The following PRH1 variants were observed in gnomAD, a reference collection of about 807,000 sequenced individuals.
PRH1 encodes salivary acidic proline-rich phosphoprotein 1/2.
PRH1 carries 7 observed loss-of-function variants against 7.9 expected under a neutral mutation model. That is an observed-to-expected ratio of 0.89 (90% CI 0.50 to 1.67). The LOEUF is 1.67. Among genes scored for constraint, PRH1 ranks in the 40% most tolerant of loss-of-function variants. The pLI, the probability that PRH1 is intolerant of heterozygous loss-of-function variation, is 0.00. For missense variants in PRH1, 109 were observed against 223.6 expected (o/e 0.49, Z 3.27); for synonymous variants, 45 against 80.8 (o/e 0.56, Z 2.38).
chr12:11,170,018 G>A (rs1262889342), intron 1 of PRH1, among the ~76,000 whole-genome samples: 1 of 152,278 alleles, frequency 6.6e-6, no homozygotes, highest in Non-Finnish European at 1.5e-5. Context: ...TGCACGGTGC[G>A]ATGTGTGGTA....
chr12:10,949,250 A>G (rs978100986), intron 2 of PRH1, among the ~76,000 whole-genome samples: 3 of 152,142 alleles, frequency 2.0e-5, no homozygotes, highest in African/African-American at 7.2e-5. Context: ...TCAGCCCAAG[A>G]TGGAGGGTTT....
intron 2 of PRH1, among the ~76,000 whole-genome samples, chr12:10,936,172 C>T (rs1950285314): frequency 6.6e-6 from 1 of 151,758 alleles, no homozygotes; most frequent in Non-Finnish European, 1.5e-5. Flanking sequence ...CACACCCCTG[C>T]AGCTTTCTTC....
At chr12:10,993,043 C>T (rs1391153522) in intron 1 of PRH1, among the ~76,000 whole-genome samples, 1 of 152,134 alleles carries the variant, frequency 6.6e-6, no homozygotes, top group African/African-American at 2.4e-5. Flanking sequence ...ATTTTTGATC[C>T]CTATTCTGTT....
At position 10,922,825 on chromosome 12, in the gene PRH1, C is replaced by CTTTTTTTTTTTTTTT. The variant is rs139253542; in HGVS notation, c.-58-38551_-58-38550insAAAAAAAAAAAAAAA. On this transcript the variant is annotated intron_variant, in intron 2 of 3. Transcript: ENST00000539853. ...ATTGCATCTTTTCCATGAATTTTTT[C>CTTTTTTTTTTTTTTT]TTTTTCTTTTTTTTGAGACGGAGTC... is the stretch of plus-strand genomic sequence containing the variant. Among the ~76,000 whole-genome samples, 64 of 113,560 alleles carry CTTTTTTTTTTTTTTT rather than the reference C, an allele frequency of 5.6e-4. 18 individuals are homozygous for CTTTTTTTTTTTTTTT. The highest frequency in any genetic ancestry group is 1.3e-3 in the South Asian group (4 of 2,964). 74.5% of individuals were successfully genotyped at this position (113,560 alleles called of 152,430 possible). A position where few individuals can be genotyped will look rare whatever the true frequency, so the allele number is the denominator to read the frequency against.
intron 3 of PRH1, among the ~76,000 whole-genome samples, chr12:10,881,630 A>C (rs1206758718): frequency 6.6e-6 from 1 of 152,242 alleles, no homozygotes; most frequent in African/African-American, 2.4e-5. Context: ...TATTTCAAAA[A>C]GTAGATTCCA....
At chr12:11,118,453 C>T (rs1945792376), downstream of PRH1, among the ~76,000 whole-genome samples, 1 of 152,106 alleles carries the variant, frequency 6.6e-6, no homozygotes, top group African/African-American at 2.4e-5. Context: ...GAAACGGGAA[C>T]CACTGTACAC....
At chr12:10,991,371 T>C (rs948217557) in intron 1 of PRH1, among the ~76,000 whole-genome samples, 2 of 152,182 alleles carry the variant, frequency 1.3e-5, no homozygotes, top group Non-Finnish European at 2.9e-5. Flanking sequence ...ATATCATTTT[T>C]TTCTATAATG....
chr12:11,170,485 T>G (rs556298960), intron 1 of PRH1, among the ~76,000 whole-genome samples: 81 of 152,328 alleles, frequency 5.3e-4, no homozygotes, highest in African/African-American at 1.6e-3. Flanking sequence ...AGGCGGAGCT[T>G]GCAGTGAGCC....
At chr12:10,910,207 A>T (rs1949875816) in intron 2 of PRH1, among the ~76,000 whole-genome samples, 1 of 152,202 alleles carries the variant, frequency 6.6e-6, no homozygotes, top group South Asian at 2.1e-4. Context: ...ACCAAACTCT[A>T]TATACAATAT....
At chr12:11,143,635 A>T (rs537330020) in intron 1 of PRH1, among the ~76,000 whole-genome samples, 32 of 152,280 alleles carry the variant, frequency 2.1e-4, no homozygotes, top group Non-Finnish European at 3.5e-4. Flanking sequence ...AAATAAAGGG[A>T]TGGAAAAAGA....
chr12:10,900,730 C>T (rs7138108), intron 2 of PRH1, among the ~76,000 whole-genome samples: 32,106 of 152,156 alleles, frequency 0.21, 3,631 homozygotes, highest in Non-Finnish European at 0.25. Context: ...CACTCTACCT[C>T]TAGGCAGAAA....
At chr12:10,956,859 G>A (rs117413621) in intron 2 of PRH1, among the ~76,000 whole-genome samples, 2,317 of 152,144 alleles carry the variant, frequency 0.015, 21 homozygotes, top group South Asian at 0.031. Context: ...TGACCAGGGA[G>A]GTGAAATATC....
At position 11,082,867 on chromosome 12, in the gene PRH1, A is replaced by G. The variant is rs1193384961; in HGVS notation, n.124-35679T>C. Among the ~76,000 whole-genome samples the G allele has an allele frequency of 1.4e-4, 16 of 116,150 alleles. 3 individuals are homozygous for G. Among genetic ancestry groups the G allele is most frequent in the African/African-American group, 3.7e-4 (13 of 34,706 alleles). The allele number at this position is 116,150 out of a possible 152,430, so 76.2% of individuals were successfully genotyped here. A position where few individuals can be genotyped will look rare whatever the true frequency, so the allele number is the denominator to read the frequency against. ...TATAAGCTTCATTTCATCTTTTAATAGCATCACTAACAAGTTAAATTCTCT... is the reference window on the plus strand; with the variant it reads ...TATAAGCTTCATTTCATCTTTTAATGGCATCACTAACAAGTTAAATTCTCT... On this transcript the variant is annotated intron_variant and non_coding_transcript_variant, in intron 1 of 4. Transcript: ENST00000541977.
intron 1 of PRH1, among the ~76,000 whole-genome samples, chr12:11,091,115 C>CACATATATATATAT (rs751016037): frequency 0.01 from 262 of 25,116 alleles, 32 homozygotes; most frequent in Non-Finnish European, 0.014. Flanking sequence ...CACACACACA[C>CACATATATATATAT]ATATATATAT....
intron 1 of PRH1, among the ~76,000 whole-genome samples, chr12:11,018,762 C>A (rs1345429605): frequency 6.6e-6 from 1 of 152,248 alleles, no homozygotes; most frequent in Non-Finnish European, 1.5e-5. Context: ...TCCACATCCC[C>A]TCCTAATGGA....
intron 2 of PRH1, among the ~76,000 whole-genome samples, chr12:10,924,520 T>G (rs897303845): frequency 1.3e-5 from 2 of 152,208 alleles, no homozygotes; most frequent in African/African-American, 4.8e-5. Flanking sequence ...ACTCAATGGC[T>G]GACATAGGGA....
chr12:11,091,115 C>CACACACACATATATATATAT (rs751016037), intron 1 of PRH1, among the ~76,000 whole-genome samples: 4 of 25,126 alleles, frequency 1.6e-4, no homozygotes, highest in Non-Finnish European at 3.4e-4. Flanking sequence ...CACACACACA[C>CACACACACATATATATATAT]ATATATATAT....
At chr12:10,909,469 G>A (rs879288594) in intron 2 of PRH1, 2 of 593,896 alleles carry the variant, frequency 3.4e-6, no homozygotes, top group Non-Finnish European at 6.1e-6. Context: ...TTTGCTGATC[G>A]ATCTTCACAT....
chr12:11,019,599 A>G (rs1227187887), intron 1 of PRH1, among the ~76,000 whole-genome samples: 1 of 152,306 alleles, frequency 6.6e-6, no homozygotes, highest in South Asian at 2.1e-4. Context: ...CTCAATTTTT[A>G]AAAATGAAAT....
Sources: gnomAD v4.1 joint callset for allele counts (sites outside exome capture counted in the v4.1 genomes callset) on GRCh38, gnomAD v4.1.1 for gene constraint, MANE v1.5 for transcripts, NCBI Gene and HGNC (gene_info 2026-07-23, HGNC 2026-07-21) for gene names.